The following EFNA2 variants were observed in gnomAD, a reference collection of about 807,000 sequenced individuals.
EFNA2 encodes the protein ephrin A2, also known as ephrin-A2.
Under a neutral mutation model 19.7 loss-of-function variants are expected in EFNA2, and 18 were observed. That is an observed-to-expected ratio of 0.91 (90% CI 0.63 to 1.35). The LOEUF (loss-of-function observed/expected upper bound fraction) is 1.35, where lower values mean the gene tolerates loss of function less well. Ranked by LOEUF, EFNA2 falls within the 40% of genes most tolerant of loss-of-function variation. The pLI, the probability that EFNA2 is intolerant of heterozygous loss-of-function variation, is 0.00. For missense variants in EFNA2, 303 were observed against 296.0 expected, an observed-to-expected ratio of 1.02 and a Z score of -0.17; for synonymous variants, 187 against 137.8, an observed-to-expected ratio of 1.36 and a Z score of -2.50.
chr19:1,298,655 C>T (rs568077571), intron 3 of EFNA2, 39 bp downstream of exon 3: 1 of 1,606,224 alleles, frequency 6.2e-7, no homozygotes, highest in East Asian at 2.2e-5. Context: ...CAGGCCCCCA[C>T]CCCTGTGTCC....
At chr19:1,289,517 G>A (rs149423024) in intron 1 of EFNA2, among the ~76,000 whole-genome samples, 3 of 152,204 alleles carry the variant, frequency 2.0e-5, no homozygotes, top group African/African-American at 7.2e-5. Context: ...CAGGGCCCGT[G>A]TGCAGACGGC....
intron 1 of EFNA2, among the ~76,000 whole-genome samples, chr19:1,291,849 G>T (rs2081493008): frequency 6.6e-6 from 1 of 152,264 alleles, no homozygotes; most frequent in Non-Finnish European, 1.5e-5. Flanking sequence ...GGGTGGGCAG[G>T]AGGGGAGCCC....
rs1252711470 is a variant in EFNA2 at position 1,287,364 on chromosome 19, A to C, written c.140+1056A>C. Among the ~76,000 whole-genome samples, 1 of 151,982 alleles carries C rather than the reference A, an allele frequency of 6.6e-6. No individual in the cohort carries two copies. Among genetic ancestry groups the C allele is most frequent in the Admixed American group, 6.5e-5 (1 of 15,270 alleles). On this transcript the variant is annotated intron_variant, in intron 1 of 3. Coordinates refer to ENST00000215368, the MANE Select transcript of EFNA2 (RefSeq NM_001405.4). The surrounding 1 kb of genome is among the most constrained non-coding windows in gnomAD (Gnocchi z 6.2). ...CTTCCTAAGGCACACGGAGCTGCAC[A>C]TCGGGGGCTGAGGCGGCCCCCCCCC...
rs1446286000 is a variant in EFNA2, at chr19:1,301,138, C to G, written c.*1193C>G. On this transcript the variant is annotated 3_prime_UTR_variant, in exon 4 of 4. Transcript: ENST00000215368. Reference sequence around the variant, plus strand: ...CCAAAAAAAAAAAAAGAAACTCCTCCCCGAAGACACTTTAATGAAGGAAAC... The same window carrying G: ...CCAAAAAAAAAAAAAGAAACTCCTCGCCGAAGACACTTTAATGAAGGAAAC... Among the ~76,000 whole-genome samples, 11 of 151,120 alleles carry G rather than the reference C, an allele frequency of 7.3e-5. No individual in the cohort carries two copies. The East Asian group carries it at 2.1e-3, about 29-fold the overall frequency.
chr19:1,298,539 C>G lies in EFNA2; in HGVS notation c.455-12C>G, dbSNP rs1388296873. 2 of 1,613,610 alleles carry G rather than the reference C, an allele frequency of 1.2e-6. No individual in the cohort carries two copies. The highest frequency in any genetic ancestry group is 1.7e-6 in the Non-Finnish European group (2 of 1,179,894). ...GGCACTTCCCCACTCATCCCCATCC[C>G]CTCTCTTCTAGCTGCCACGCCTCCC... On this transcript the variant is annotated splice_polypyrimidine_tract_variant and intron_variant, in intron 2 of 3. Transcript: ENST00000215368.
chr19:1,299,291 G>T (rs967200431), intron 3 of EFNA2, among the ~76,000 whole-genome samples: 1 of 152,062 alleles, frequency 6.6e-6, no homozygotes, highest in Non-Finnish European at 1.5e-5. Flanking sequence ...GGGCACGGTG[G>T]CTCACACCTG....
At position 1,296,777 on chromosome 19, in the gene EFNA2, A is replaced by G. The variant is rs1418210455; in HGVS notation, c.454+919A>G. Among the ~76,000 whole-genome samples, 1 of 151,776 alleles carries G rather than the reference A, an allele frequency of 6.6e-6. No individual in the cohort carries two copies. The highest frequency in any genetic ancestry group is 2.4e-5 in the African/African-American group (1 of 41,292). On this transcript the variant is annotated intron_variant, in intron 2 of 3. Coordinates refer to ENST00000215368, the MANE Select transcript of EFNA2 (RefSeq NM_001405.4). The surrounding 1 kb of genome is among the most constrained non-coding windows in gnomAD (Gnocchi z 4.4). ...CCCGGGACCCATGCCAGGCTCGGAG[A>G]CTCCCTGAGGACCGTGGGGTCTTCA...
At chr19:1,284,329 C>T (rs993766717), upstream of EFNA2, among the ~76,000 whole-genome samples, 9 of 152,228 alleles carry the variant, frequency 5.9e-5, no homozygotes, top group Non-Finnish European at 2.9e-5. The surrounding 1 kb of genome is among the most constrained non-coding windows in gnomAD (Gnocchi z 5.3). Flanking sequence ...ACTGAAGAGA[C>T]ACCCGGCCAG....
At chr19:1,298,072 C>CAAAAA (rs58897953) in intron 2 of EFNA2, among the ~76,000 whole-genome samples, 9 of 49,870 alleles carry the variant, frequency 1.8e-4, no homozygotes, top group Admixed American at 2.8e-4. Context: ...AGCTCCATCA[C>CAAAAA]AAAAAAAAAA....
rs1287739727 is a variant in EFNA2 at position 1,297,684 on chromosome 19, G to GC, written c.455-866dup. On this transcript the variant is annotated intron_variant, in intron 2 of 3. Coordinates refer to ENST00000215368, the MANE Select transcript of EFNA2 (RefSeq NM_001405.4). The surrounding 1 kb of genome is among the most constrained non-coding windows in gnomAD (Gnocchi z 5.0). ...TCCTTTTCCTCCTCTCTTGATCCTT[G>GC]CAGACGCCCCCACTGCACTCCAGGA... Among the ~76,000 whole-genome samples the GC allele has an allele frequency of 3.9e-5, 6 of 152,078 alleles. No individual in the cohort carries two copies. The highest frequency in any genetic ancestry group is 8.8e-5 in the Non-Finnish European group (6 of 68,014).
chr19:1,299,692 A>G, intron 3 of EFNA2, 132 bp from the exon 4 acceptor site: 1 of 1,274,570 alleles, frequency 7.8e-7, no homozygotes, highest in African/African-American at 1.5e-5. Flanking sequence ...GATGGCACCA[A>G]GAGGGAGCAG....
chr19:1,288,761 C>T (rs1170969545), intron 1 of EFNA2, among the ~76,000 whole-genome samples: 2 of 152,022 alleles, frequency 1.3e-5, no homozygotes, highest in Non-Finnish European at 2.9e-5. Context: ...CTCCTTGGGC[C>T]GCTATAAGGT....
upstream of EFNA2, among the ~76,000 whole-genome samples, chr19:1,285,738 G>T (rs1187235313): frequency 6.6e-6 from 1 of 150,826 alleles, no homozygotes; most frequent in Non-Finnish European, 1.5e-5. The surrounding 1 kb of genome is among the most constrained non-coding windows in gnomAD (Gnocchi z 4.1). Flanking sequence ...AGGCCCCGGG[G>T]GACGAGCCTG....
rs539567620 is a variant in EFNA2, at chr19:1,293,307, A to G, written c.141-2238A>G. ...TCAAAAAGGCTGGAGCAGCTTCTGC[A>G]TCGATCGTGCCCAAGGGGCCAGCGG... On this transcript the variant is annotated intron_variant, in intron 1 of 3. Coordinates refer to ENST00000215368, the MANE Select transcript of EFNA2 (RefSeq NM_001405.4). Among the ~76,000 whole-genome samples, 16 of 152,356 alleles carry G rather than the reference A, an allele frequency of 1.1e-4. No homozygotes were observed. In the South Asian group the frequency reaches 2.7e-3, roughly 26 times the overall value.
chr19:1,289,949 C>T (rs1050526316), intron 1 of EFNA2, among the ~76,000 whole-genome samples: 3 of 152,182 alleles, frequency 2.0e-5, no homozygotes, highest in South Asian at 2.1e-4. Flanking sequence ...ATTGGGGGCG[C>T]TAGGAGAGCC....
chr19:1,292,163 C>A (rs963180459), intron 1 of EFNA2, among the ~76,000 whole-genome samples: 1 of 152,224 alleles, frequency 6.6e-6, no homozygotes, highest in Non-Finnish European at 1.5e-5. Context: ...CCCCCTCCCC[C>A]CTGCAGGCGC....
intron 1 of EFNA2, among the ~76,000 whole-genome samples, chr19:1,292,610 C>T (rs73920409): frequency 6.6e-6 from 1 of 152,110 alleles, no homozygotes; most frequent in African/African-American, 2.4e-5. Context: ...CAGGGACAGC[C>T]GGGAGGCTGG....
rs1366940058 is a variant in EFNA2, at chr19:1,297,215, G to T, written c.455-1336G>T. ...GTGCCCCCAGGCTGCAGGGGGGCCAGTGCCTGGACACCCAGCTCCTGCTGT... is the reference window on the plus strand; with the variant it reads ...GTGCCCCCAGGCTGCAGGGGGGCCATTGCCTGGACACCCAGCTCCTGCTGT... On this transcript the variant is annotated intron_variant, in intron 2 of 3. Transcript: ENST00000215368. The surrounding 1 kb of genome is among the most constrained non-coding windows in gnomAD (Gnocchi z 5.0). Among the ~76,000 whole-genome samples, 2 of 152,298 alleles carry T rather than the reference G, an allele frequency of 1.3e-5. No individual in the cohort carries two copies. The highest frequency in any genetic ancestry group is 4.1e-4 in the South Asian group (2 of 4,822).
At chr19:1,291,431 G>C (rs1035783182) in intron 1 of EFNA2, among the ~76,000 whole-genome samples, 1 of 152,204 alleles carries the variant, frequency 6.6e-6, no homozygotes, top group Non-Finnish European at 1.5e-5. Flanking sequence ...AGTCAGGGGG[G>C]ACATCTCTTC....
Sources: allele counts gnomAD v4.1 joint callset (sites outside exome capture counted in the v4.1 genomes callset), GRCh38; gene constraint gnomAD v4.1.1; non-coding constraint Gnocchi (gnomAD v3.1); transcripts MANE v1.5; gene names NCBI Gene and HGNC (gene_info 2026-07-23, HGNC 2026-07-21).